PCDH15: variants seen among roughly 807,000 people sequenced by gnomAD.
PCDH15 encodes the protein protocadherin related 15, also known as protocadherin-15.
In PCDH15, 129 loss-of-function variants were observed where a neutral mutation model predicts 178.5. That is an observed-to-expected ratio of 0.72 (90% CI 0.63 to 0.84). PCDH15 has a LOEUF of 0.84. PCDH15 is among the 40% of genes least tolerant of loss of function. The probability of loss-of-function intolerance (pLI) is 0.00; values close to 1 mark genes in which losing one functional copy is unlikely to be tolerated. For synonymous variants in PCDH15, 800 were observed against 732.0 expected, an observed-to-expected ratio of 1.09 and a Z score of -1.50; for missense variants, 2,230 against 2,099.9, an observed-to-expected ratio of 1.06 and a Z score of -1.21.
chr10:54,265,339 ACT>A (rs1421378398), intron 8 of PCDH15, among the ~76,000 whole-genome samples: 3 of 151,844 alleles, frequency 2.0e-5, no homozygotes, highest in Non-Finnish European at 2.9e-5. Context: ...TATACCACAG[ACT>A]CTATAAAGCA....
intron 24 of PCDH15, 89 bp downstream of exon 24, chr10:53,940,776 GA>G: frequency 2.2e-6 from 2 of 924,524 alleles, no homozygotes; most frequent in Non-Finnish European, 3.5e-6. Flanking sequence ...GAAAACAATA[GA>G]ATAGATAATA....
At chr10:54,633,584 T>C (rs1339629510) in intron 2 of PCDH15, among the ~76,000 whole-genome samples, 2 of 151,852 alleles carry the variant, frequency 1.3e-5, no homozygotes, top group African/African-American at 4.8e-5. Flanking sequence ...TACCTAACAG[T>C]GGAGAATTTC....
At chr10:54,580,935 A>G (rs573706043) in intron 2 of PCDH15, among the ~76,000 whole-genome samples, 4 of 152,116 alleles carry the variant, frequency 2.6e-5, no homozygotes, top group South Asian at 2.1e-4. Context: ...AAAATGAGTC[A>G]CCAAAGGAAC....
chr10:55,282,385 T>C (rs1564964857), intron 1 of PCDH15, among the ~76,000 whole-genome samples: 2 of 152,232 alleles, frequency 1.3e-5, no homozygotes, highest in East Asian at 3.8e-4. Flanking sequence ...TAAGACTTCT[T>C]CAGTTGCTCT....
intron 2 of PCDH15, among the ~76,000 whole-genome samples, chr10:54,648,169 C>T (rs1232558033): frequency 6.6e-6 from 1 of 151,960 alleles, no homozygotes; most frequent in Non-Finnish European, 1.5e-5. Flanking sequence ...AAAATGTATT[C>T]TAAGAAAGAG....
At chr10:54,654,066 A>G (rs1160003964) in intron 2 of PCDH15, among the ~76,000 whole-genome samples, 1 of 152,178 alleles carries the variant, frequency 6.6e-6, no homozygotes. Flanking sequence ...ATTGTGTGCA[A>G]TAGATCACTG....
At chr10:53,807,247 T>C in intron 37 of PCDH15, 117 bp from the exon 38 acceptor site, 2 of 803,778 alleles carry the variant, frequency 2.5e-6, no homozygotes, top group Non-Finnish European at 3.8e-6. Context: ...GGTAAATCAC[T>C]CAAGAGAGAT....
intron 2 of PCDH15, among the ~76,000 whole-genome samples, chr10:54,575,488 T>C (rs867869847): frequency 4.6e-5 from 7 of 152,132 alleles, no homozygotes; most frequent in African/African-American, 1.4e-4. Flanking sequence ...TACAAAGAAA[T>C]TGTATTGTAC....
At chr10:55,484,899 G>C (rs749719090) in intron 2 of PCDH15, among the ~76,000 whole-genome samples, 3 of 151,590 alleles carry the variant, frequency 2.0e-5, no homozygotes, top group Non-Finnish European at 4.4e-5. Flanking sequence ...ATGAATAAGA[G>C]TTAAATCTAA....
intron 2 of PCDH15, among the ~76,000 whole-genome samples, chr10:55,341,942 C>A (rs1354736104): frequency 6.7e-6 from 1 of 148,556 alleles, no homozygotes; most frequent in Non-Finnish European, 1.5e-5. Flanking sequence ...CCACCCTTCC[C>A]GGACACAACT....
intron 18 of PCDH15, among the ~76,000 whole-genome samples, chr10:54,053,033 G>A (rs945843655): frequency 4.6e-5 from 7 of 152,132 alleles, no homozygotes; most frequent in Admixed American, 3.3e-4. Context: ...ATGTGGAACT[G>A]TGAGTTAATT....
intron 5 of PCDH15, among the ~76,000 whole-genome samples, chr10:54,360,024 C>T (rs1945744921): frequency 6.6e-6 from 1 of 152,094 alleles, no homozygotes; most frequent in Admixed American, 6.6e-5. Flanking sequence ...TCCCACAGAA[C>T]TGATGTTTAT....
intron 2 of PCDH15, among the ~76,000 whole-genome samples, chr10:55,524,131 C>T (rs1326804895): frequency 6.6e-6 from 1 of 151,288 alleles, no homozygotes; most frequent in African/African-American, 2.4e-5. Flanking sequence ...TTCTTTATTA[C>T]CATGAAATTG....
chr10:53,817,392 G>A (rs1054793178), intron 34 of PCDH15, among the ~76,000 whole-genome samples: 1 of 151,640 alleles, frequency 6.6e-6, no homozygotes, highest in Non-Finnish European at 1.5e-5. Flanking sequence ...CTAACATTCT[G>A]ATTATTTTTA....
Position 54,020,606 on chromosome 10 carries a change from G to A in PCDH15, c.2527-190C>T, listed in dbSNP as rs2092889215. On this transcript the variant is annotated intron_variant, in intron 19 of 37. Coordinates refer to ENST00000644397, the MANE Select transcript of PCDH15 (RefSeq NM_001384140.1). Reference sequence around the variant, plus strand: ...TACCAGGGAAGAGAAGGAGGGATGGGGGAGAGAAAGATGGAGGCAGGGAGG... The same window carrying A: ...TACCAGGGAAGAGAAGGAGGGATGGAGGAGAGAAAGATGGAGGCAGGGAGG... 2.0e-5 allele frequency among the ~76,000 whole-genome samples: 3 copies of A among 151,718 alleles called. No individual in the cohort carries two copies. The South Asian group carries it at 6.2e-4, about 32-fold the overall frequency.
intron 2 of PCDH15, among the ~76,000 whole-genome samples, chr10:55,083,986 A>C (rs1314053429): frequency 5.9e-5 from 9 of 152,022 alleles, no homozygotes; most frequent in Non-Finnish European, 1.2e-4. Context: ...AGTATTGTTA[A>C]AATGTCCATA....
At chr10:54,471,859 T>A (rs1262767823) in intron 3 of PCDH15, among the ~76,000 whole-genome samples, 2 of 152,134 alleles carry the variant, frequency 1.3e-5, no homozygotes, top group African/African-American at 4.8e-5. Context: ...ACTTTTAAAA[T>A]TAGAGCTGTA....
intron 28 of PCDH15, among the ~76,000 whole-genome samples, chr10:53,843,462 C>G (rs2077783649): frequency 6.6e-6 from 1 of 151,802 alleles, no homozygotes; most frequent in African/African-American, 2.4e-5. Flanking sequence ...TTTATCTAAC[C>G]CATAATATTT....
At chr10:55,041,016 T>C (rs1048266297) in intron 2 of PCDH15, among the ~76,000 whole-genome samples, 1 of 152,092 alleles carries the variant, frequency 6.6e-6, no homozygotes, top group Non-Finnish European at 1.5e-5. Flanking sequence ...TATTACAAGA[T>C]AAATATTTTC....
Sources: gnomAD v4.1 joint callset for allele counts (sites outside exome capture counted in the v4.1 genomes callset) on GRCh38, gnomAD v4.1.1 for gene constraint, MANE v1.5 for transcripts, NCBI Gene and HGNC (gene_info 2026-07-23, HGNC 2026-07-21) for gene names.